The following IL7 variants were observed in gnomAD, a reference collection of about 807,000 sequenced individuals.
IL7 encodes the protein interleukin 7, also known as interleukin-7.
Under a neutral mutation model 21.6 loss-of-function variants are expected in IL7, and 3 were observed. The ratio of observed to expected loss-of-function variants is 0.14; its 90% CI spans 0.06 to 0.36. The LOEUF is 0.36. Ranked by LOEUF, IL7 falls within the 10% of genes least tolerant of loss-of-function variation. The pLI, the probability that IL7 is intolerant of heterozygous loss-of-function variation, is 1.00. For synonymous variants in IL7, 62 were observed against 68.1 expected (o/e 0.91, Z 0.44); for missense variants, 175 against 200.2 (o/e 0.87, Z 0.76).
intron 5 of IL7, chr8:78,719,778 T>G (rs1811204403): frequency 6.6e-6 from 1 of 151,808 alleles, no homozygotes; most frequent in East Asian, 1.9e-4. Flanking sequence ...CTAGTTCGTA[T>G]TCACTGATGT....
chr8:78,698,289 C>A, intron 3 of IL7: 2 of 733,142 alleles, frequency 2.7e-6, no homozygotes, highest in East Asian at 3.0e-5. Flanking sequence ...TAAAAAATGT[C>A]TTCAATGAAA....
At chr8:78,721,321 C>T (rs1045341474) in intron 4 of IL7, 18 of 151,922 alleles carry the variant, frequency 1.2e-4, no homozygotes, top group Non-Finnish European at 1.8e-4. Context: ...TGGGAGGAAA[C>T]CAGAGTATGA....
At chr8:78,803,859 C>A (rs1477404641) in intron 1 of IL7, among the ~76,000 whole-genome samples, 1 of 152,132 alleles carries the variant, frequency 6.6e-6, no homozygotes, top group East Asian at 1.9e-4. Flanking sequence ...ACTGAGCTGG[C>A]ACTCCTTGGT....
chr8:78,787,199 T>A (rs1034039347), intron 2 of IL7, among the ~76,000 whole-genome samples: 1 of 152,174 alleles, frequency 6.6e-6, no homozygotes, highest in Non-Finnish European at 1.5e-5. Flanking sequence ...GGGATCCCCA[T>A]TGTACAGCCA....
At chr8:78,694,373 A>G (rs1233685666) in intron 3 of IL7, among the ~76,000 whole-genome samples, 1 of 151,712 alleles carries the variant, frequency 6.6e-6, no homozygotes, top group Non-Finnish European at 1.5e-5. Flanking sequence ...GTAAAACGGT[A>G]TTCATGATTA....
chr8:78,761,810 T>G, intron 2 of IL7: 2 of 1,612,010 alleles, frequency 1.2e-6, no homozygotes, highest in Non-Finnish European at 1.7e-6. Flanking sequence ...TATCCGACAC[T>G]CCAGTAGTGC....
rs564614262 is a variant in IL7 at position 78,798,646 on chromosome 8, T to C, written c.11-438A>G. On this transcript the variant is annotated intron_variant, in intron 1 of 5. Transcript: ENST00000263851. ...TTTTGTAAACCTTGATGGTAGTCCA[T>C]GTCTATTTGCTTCTTGGAGGCAACA... Among the ~76,000 whole-genome samples, 7 of 152,152 alleles carry C rather than the reference T, an allele frequency of 4.6e-5. No individual in the cohort carries two copies. The East Asian group carries it at 1.4e-3, about 29-fold the overall frequency.
At chr8:78,734,756 A>G (rs1811515648) in intron 5 of IL7, among the ~76,000 whole-genome samples, 1 of 152,204 alleles carries the variant, frequency 6.6e-6, no homozygotes, top group African/African-American at 2.4e-5. Flanking sequence ...TCTCAGTCAT[A>G]TATTGTGCTC....
intron 2 of IL7, among the ~76,000 whole-genome samples, chr8:78,788,421 T>A (rs952437610): frequency 6.6e-6 from 1 of 152,186 alleles, no homozygotes; most frequent in Non-Finnish European, 1.5e-5. Flanking sequence ...CAAATATCTA[T>A]TTTCTTTTCA....
exon 5 of IL7, chr8:78,721,072 GATA>G (rs1361216954): frequency 6.6e-6 from 1 of 151,932 alleles, no homozygotes; most frequent in Non-Finnish European, 1.5e-5. Context: ...TGGGGATCGA[GATA>G]ATAAGATGTA....
At chr8:78,794,483 G>T (rs1027620126) in intron 2 of IL7, among the ~76,000 whole-genome samples, 1 of 152,108 alleles carries the variant, frequency 6.6e-6, no homozygotes, top group African/African-American at 2.4e-5. Context: ...GAGTTAGTTT[G>T]TCCTCTTAAG....
At position 78,698,518 on chromosome 8, in the gene IL7, G is replaced by GT. The variant is rs758451975; in HGVS notation, n.215-12572dup. ...GATAGCAGCCCCTCATGCAGGGTAA[G>GT]TCTACACTGGATATAATTATTAGTG... is the stretch of plus-strand genomic sequence containing the variant. On this transcript the variant is annotated intron_variant and non_coding_transcript_variant, in intron 3 of 4. Transcript: ENST00000523959. 28 of 1,571,964 alleles carry GT rather than the reference G, an allele frequency of 1.8e-5. No homozygotes were observed. The South Asian group carries it at 3.0e-4, about 17-fold the overall frequency.
At chr8:78,785,604 G>A (rs1420604564) in intron 2 of IL7, among the ~76,000 whole-genome samples, 1 of 152,050 alleles carries the variant, frequency 6.6e-6, no homozygotes, top group African/African-American at 2.4e-5. Context: ...TAAAACTATG[G>A]CGTGAAGTAC....
At chr8:78,773,999 A>G (rs866261022) in intron 2 of IL7, among the ~76,000 whole-genome samples, 73 of 152,242 alleles carry the variant, frequency 4.8e-4, no homozygotes, top group African/African-American at 1.7e-3. Flanking sequence ...TTTAGTTTGG[A>G]ACGCCACTGT....
intron 2 of IL7, among the ~76,000 whole-genome samples, chr8:78,778,593 TGGACTAC>T (rs1813209953): frequency 1.3e-5 from 2 of 152,188 alleles, no homozygotes; most frequent in African/African-American, 4.8e-5. Context: ...TCTTTTCCAT[TGGACTAC>T]GTGTCTGTTT....
intron 4 of IL7, among the ~76,000 whole-genome samples, chr8:78,681,402 A>G (rs926134615): frequency 6.6e-6 from 1 of 152,220 alleles, no homozygotes; most frequent in African/African-American, 2.4e-5. Context: ...GAGCAGATGA[A>G]TGTTGTGATC....
chr8:78,781,114 G>C (rs889676434), intron 2 of IL7, among the ~76,000 whole-genome samples: 6 of 152,050 alleles, frequency 3.9e-5, no homozygotes, highest in Non-Finnish European at 8.8e-5. Flanking sequence ...ATGTGTCTTT[G>C]TACATGAGAT....
intron 2 of IL7, among the ~76,000 whole-genome samples, chr8:78,791,148 A>G (rs1813680131): frequency 1.3e-5 from 2 of 152,176 alleles, no homozygotes; most frequent in Non-Finnish European, 2.9e-5. Flanking sequence ...AGTATCACTT[A>G]TTTGTGGCTT....
At chr8:78,742,309 G>T (rs754902793) in intron 2 of IL7, among the ~76,000 whole-genome samples, 3 of 152,014 alleles carry the variant, frequency 2.0e-5, no homozygotes, top group Non-Finnish European at 2.9e-5. Context: ...GGGCAACAGA[G>T]CAAGACTCTG....
Sources: gnomAD v4.1 joint callset for allele counts (sites outside exome capture counted in the v4.1 genomes callset) on GRCh38, gnomAD v4.1.1 for gene constraint, MANE v1.5 for transcripts, NCBI Gene and HGNC (gene_info 2026-07-23, HGNC 2026-07-21) for gene names.